Variants in FNDC1 observed in about 807,000 individuals in gnomAD.
FNDC1 encodes the protein fibronectin type III domain containing 1, also known as fibronectin type III domain-containing protein 1.
A neutral mutation model predicts 168.0 loss-of-function variants in FNDC1; 96 were observed. That is an observed-to-expected ratio of 0.57 (90% CI 0.48 to 0.68). FNDC1 has a LOEUF of 0.68. Among genes scored for constraint, FNDC1 ranks in the 30% least tolerant of loss-of-function variants. The pLI, the probability that FNDC1 is intolerant of heterozygous loss-of-function variation, is 0.00. For synonymous variants in FNDC1, 1,099 were observed against 1,025.9 expected, an observed-to-expected ratio of 1.07 and a Z score of -1.36; for missense variants, 2,587 against 2,482.1, an observed-to-expected ratio of 1.04 and a Z score of -0.90.
At chr6:159,258,930 G>A (rs1777425000) in intron 18 of FNDC1, among the ~76,000 whole-genome samples, 1 of 152,176 alleles carries the variant, frequency 6.6e-6, no homozygotes. Context: ...CCAAAAGAGG[G>A]GCCAGGGCAT....
Position 159,269,285 on chromosome 6 carries a change from TATCTATCC to T in FNDC1, c.5569+1363_5569+1370del, listed in dbSNP as rs1425444164. On this transcript the variant is annotated intron_variant, in intron 22 of 22. Coordinates refer to ENST00000297267, the MANE Select transcript of FNDC1 (RefSeq NM_032532.3). ...CTATCTATCTATCTATCTATCTATCTATCTATCCATCCATCCATCTATCCTATCTATTT... is the reference window on the plus strand; with the variant it reads ...CTATCTATCTATCTATCTATCTATCTATCCATCCATCTATCCTATCTATTT... Among the ~76,000 whole-genome samples the T allele has an allele frequency of 5.3e-3, 250 of 47,030 alleles. 5 individuals are homozygous for T. The highest frequency in any genetic ancestry group is 0.013 in the Non-Finnish European group (157 of 12,480). The allele number at this position is 47,030 out of a possible 152,430, so 30.9% of individuals were successfully genotyped here.
intron 17 of FNDC1, among the ~76,000 whole-genome samples, chr6:159,254,190 CCTT>C (rs1777326470): frequency 1.3e-5 from 2 of 152,260 alleles, no homozygotes; most frequent in Admixed American, 6.5e-5. Flanking sequence ...TTGATCTTTT[CCTT>C]CTTCTTAACT....
At chr6:159,267,230 C>A (rs1183318010) in intron 21 of FNDC1, among the ~76,000 whole-genome samples, 1 of 152,114 alleles carries the variant, frequency 6.6e-6, no homozygotes, top group East Asian at 1.9e-4. Flanking sequence ...CTCTCTCTCT[C>A]TGCTCTTTTC....
intron 14 of FNDC1, among the ~76,000 whole-genome samples, chr6:159,241,775 T>C (rs1383972220): frequency 1.3e-5 from 2 of 152,230 alleles, no homozygotes; most frequent in African/African-American, 4.8e-5. Context: ...AACCACTTTC[T>C]TGATGTATGC....
intron 3 of FNDC1, 68 bp from the exon 4 acceptor site, chr6:159,200,445 A>T: frequency 9.0e-7 from 1 of 1,113,436 alleles, no homozygotes; most frequent in South Asian, 1.4e-5. Flanking sequence ...TACATTATGG[A>T]TGCACTGTAA....
chr6:159,271,474 G>C lies in FNDC1; in HGVS notation c.*32G>C. 6.5e-7 allele frequency: 1 copy of C among 1,527,876 alleles called. No individual in the cohort carries two copies. Among genetic ancestry groups the C allele is most frequent in the Non-Finnish European group, 9.0e-7 (1 of 1,115,618 alleles). The allele number at this position is 1,527,876 out of a possible 1,614,324, so 94.6% of individuals were successfully genotyped here. A position where few individuals can be genotyped will look rare whatever the true frequency, so the allele number is the denominator to read the frequency against. ...GACCGTCATGCTGCAAGCTTGCCCT[G>C]CCCAGCCCCACCAACTAAGTCGCAC... On this transcript the variant is annotated 3_prime_UTR_variant, in exon 23 of 23. Coordinates refer to ENST00000297267, the MANE Select transcript of FNDC1 (RefSeq NM_032532.3).
At chr6:159,197,651 C>T in intron 2 of FNDC1, 26 bp downstream of exon 2, 1 of 1,581,398 alleles carries the variant, frequency 6.3e-7, no homozygotes, top group Non-Finnish European at 8.6e-7. Context: ...ATCTTGTTCC[C>T]AGTCAGAATT....
intron 1 of FNDC1, among the ~76,000 whole-genome samples, chr6:159,184,160 G>A (rs1308491732): frequency 1.3e-5 from 2 of 152,116 alleles, no homozygotes; most frequent in Non-Finnish European, 2.9e-5. Flanking sequence ...TTTGAAATGG[G>A]GATCAAAGAG....
rs1171162661 is a variant in FNDC1, at chr6:159,251,270, C to A, written c.4835-32C>A. 5 of 1,545,246 alleles carry A rather than the reference C, an allele frequency of 3.2e-6. No individual in the cohort carries two copies. In the South Asian group the frequency reaches 4.5e-5, roughly 14 times the overall value. On this transcript the variant is annotated intron_variant, in intron 16 of 22. Transcript: ENST00000297267. Reference sequence around the variant, plus strand: ...TTCTGCCTCCAGAAAAAGCCTCCAGCAATCCAATTGGTTATCTCTGTTCTT... The same window carrying A: ...TTCTGCCTCCAGAAAAAGCCTCCAGAAATCCAATTGGTTATCTCTGTTCTT...
At chr6:159,237,553 G>A (rs992047337) in intron 12 of FNDC1, among the ~76,000 whole-genome samples, 3 of 152,164 alleles carry the variant, frequency 2.0e-5, no homozygotes, top group African/African-American at 4.8e-5. Flanking sequence ...ATTAGGCAAC[G>A]TGATTACAAA....
At chr6:159,222,708 C>T (rs1782856161) in intron 6 of FNDC1, among the ~76,000 whole-genome samples, 1 of 152,188 alleles carries the variant, frequency 6.6e-6, no homozygotes, top group African/African-American at 2.4e-5. Flanking sequence ...CTTGGACTCA[C>T]ACCTTCTAAA....
At chr6:159,210,109 C>G (rs576980020) in intron 4 of FNDC1, among the ~76,000 whole-genome samples, 32 of 152,334 alleles carry the variant, frequency 2.1e-4, no homozygotes, top group African/African-American at 7.0e-4. Flanking sequence ...GTAAGCGGGG[C>G]ACATGCACAT....
At chr6:159,185,941 C>A (rs1781988621) in intron 1 of FNDC1, among the ~76,000 whole-genome samples, 1 of 152,202 alleles carries the variant, frequency 6.6e-6, no homozygotes, top group African/African-American at 2.4e-5. Context: ...TTAATGCAAT[C>A]TGTCAGACGG....
rs767422447 is a variant in FNDC1 at position 159,200,556 on chromosome 6, A to G, written c.435A>G (p.Pro145=). Reference sequence around the variant, plus strand: ...TTGATGGTTTTCCCATTAAGGGTCCAGGACCATTTAATGAAACCGTCACAG... The same window carrying G: ...TTGATGGTTTTCCCATTAAGGGTCCGGGACCATTTAATGAAACCGTCACAG... ...IEIDGFPIKG[P]GPFNETVTEK... is the part of the protein sequence containing the mutation. The change falls in exon 4 of 23, where the codon CCA becomes CCG. Residue 145 remains proline, a synonymous_variant. Coordinates refer to ENST00000297267, the MANE Select transcript of FNDC1 (RefSeq NM_032532.3). The G allele has an allele frequency of 6.9e-6, 11 of 1,598,292 alleles. No homozygotes were observed. Among genetic ancestry groups the G allele is most frequent in the Middle Eastern group, 3.3e-4 (2 of 6,046 alleles).
chr6:159,268,015 G>T, intron 22 of FNDC1, 89 bp downstream of exon 22: 3 of 1,412,158 alleles, frequency 2.1e-6, no homozygotes, highest in Non-Finnish European at 2.9e-6. Flanking sequence ...GTCTGCCTTT[G>T]CCTTGTCATT....
intron 19 of FNDC1, among the ~76,000 whole-genome samples, chr6:159,263,792 TA>T (rs892433561): frequency 7.3e-5 from 11 of 150,818 alleles, no homozygotes; most frequent in African/African-American, 2.7e-4. Context: ...AAAAATAAAA[TA>T]AAAAATAAAA....
chr6:159,269,574 C>CCATCCAT (rs1777694885), intron 22 of FNDC1, among the ~76,000 whole-genome samples: 1 of 145,412 alleles, frequency 6.9e-6, no homozygotes, highest in African/African-American at 2.6e-5. Context: ...ATCCATCTAT[C>CCATCCAT]CTATCTGTCT....
rs1417965591 is a variant in FNDC1, at chr6:159,197,314, C to T, written c.110-117C>T. The T allele has an allele frequency of 9.3e-5, 91 of 974,562 alleles. No individual in the cohort carries two copies. In the East Asian group the frequency reaches 2.0e-3, roughly 21 times the overall value. The allele number at this position is 974,562 out of a possible 1,614,324, so 60.4% of individuals were successfully genotyped here. A position where few individuals can be genotyped will look rare whatever the true frequency, so the allele number is the denominator to read the frequency against. On this transcript the variant is annotated intron_variant, in intron 1 of 22. Coordinates refer to ENST00000297267, the MANE Select transcript of FNDC1 (RefSeq NM_032532.3). ...ATACATGACTATCCTTAAAGTCTTTCGGATCATACTGATTAAACGTCATTT... is the reference window on the plus strand; with the variant it reads ...ATACATGACTATCCTTAAAGTCTTTTGGATCATACTGATTAAACGTCATTT...
At chr6:159,178,449 TC>T (rs1000441836) in intron 1 of FNDC1, among the ~76,000 whole-genome samples, 1 of 152,058 alleles carries the variant, frequency 6.6e-6, no homozygotes, top group Non-Finnish European at 1.5e-5. Flanking sequence ...CCACCTAGTT[TC>T]CCCTAAAGGC....
Sources: allele counts gnomAD v4.1 joint callset (sites outside exome capture counted in the v4.1 genomes callset), GRCh38; gene constraint gnomAD v4.1.1; transcripts MANE v1.5; gene names NCBI Gene and HGNC (gene_info 2026-07-23, HGNC 2026-07-21).